TOX: variants seen among roughly 807,000 people sequenced by gnomAD.
TOX encodes the protein thymocyte selection-associated high mobility group box protein TOX.
Under a neutral mutation model 53.7 loss-of-function variants are expected in TOX, and 11 were observed. The ratio of observed to expected loss-of-function variants is 0.20; its 90% CI spans 0.13 to 0.34. The LOEUF is 0.34. Among genes scored for constraint, TOX ranks in the 10% least tolerant of loss-of-function variants. The probability of loss-of-function intolerance (pLI) is 1.00; values close to 1 mark genes in which losing one functional copy is unlikely to be tolerated. For synonymous variants in TOX, 225 were observed against 245.3 expected (o/e 0.92, Z 0.77); for missense variants, 570 against 664.6 (o/e 0.86, Z 1.56).
chr8:58,988,362 G>A (rs1813373726), intron 1 of TOX, among the ~76,000 whole-genome samples: 1 of 152,180 alleles, frequency 6.6e-6, no homozygotes, highest in South Asian at 2.1e-4. Context: ...AAACAGCCAT[G>A]TTCTTTCATT....
intron 1 of TOX, among the ~76,000 whole-genome samples, chr8:59,040,137 G>A (rs903775917): frequency 6.6e-6 from 1 of 151,936 alleles, no homozygotes; most frequent in Admixed American, 6.6e-5. Flanking sequence ...AGACCATCCC[G>A]GGTAAAACGG....
intron 7 of TOX, among the ~76,000 whole-genome samples, chr8:58,815,123 T>C (rs1216117224): frequency 6.6e-6 from 1 of 152,226 alleles, no homozygotes; most frequent in East Asian, 1.9e-4. Context: ...TGACTGTCAA[T>C]TGTGATGGCA....
intron 1 of TOX, among the ~76,000 whole-genome samples, chr8:59,038,318 TA>T (rs1803510551): frequency 6.6e-6 from 1 of 152,136 alleles, no homozygotes; most frequent in Non-Finnish European, 1.5e-5. Flanking sequence ...ATGAATCAAA[TA>T]AATGCCTATA....
At chr8:59,115,481 T>C (rs1346798922) in intron 1 of TOX, among the ~76,000 whole-genome samples, 4 of 152,220 alleles carry the variant, frequency 2.6e-5, no homozygotes, top group Admixed American at 6.5e-5. Context: ...AACAAGACTA[T>C]ATCACTACAG....
intron 1 of TOX, among the ~76,000 whole-genome samples, chr8:59,075,301 C>G (rs1304590606): frequency 1.3e-5 from 2 of 152,166 alleles, no homozygotes; most frequent in Non-Finnish European, 2.9e-5. Flanking sequence ...CTGGAGGAAT[C>G]TAAGAAACAG....
At chr8:58,902,278 T>G (rs867143805) in intron 3 of TOX, among the ~76,000 whole-genome samples, 1 of 152,190 alleles carries the variant, frequency 6.6e-6, no homozygotes, top group African/African-American at 2.4e-5. Context: ...CTGGTCACCA[T>G]CAATTTCTGA....
intron 3 of TOX, among the ~76,000 whole-genome samples, chr8:58,870,605 AAC>A (rs991965271): frequency 3.3e-5 from 5 of 152,280 alleles, no homozygotes; most frequent in African/African-American, 1.2e-4. Context: ...AAAGTTAAGG[AAC>A]ACACACTGAT....
intron 1 of TOX, among the ~76,000 whole-genome samples, chr8:59,093,088 T>G (rs1443969584): frequency 1.3e-5 from 2 of 152,182 alleles, no homozygotes; most frequent in East Asian, 3.8e-4. Context: ...CGTCACAAGA[T>G]GTATGAGCAC....
intron 3 of TOX, among the ~76,000 whole-genome samples, chr8:58,915,944 G>C (rs1205603278): frequency 1.4e-5 from 1 of 69,836 alleles, no homozygotes; most frequent in African/African-American, 6.0e-5. Flanking sequence ...CTGGAAGAAA[G>C]GGTATCAGCA....
chr8:59,085,110 C>T (rs1804482840), intron 1 of TOX, among the ~76,000 whole-genome samples: 3 of 152,192 alleles, frequency 2.0e-5, no homozygotes, highest in Non-Finnish European at 4.4e-5. Context: ...CTAGATATTA[C>T]ACTATAGCAC....
chr8:59,109,256 C>T (rs1461672496), intron 1 of TOX, among the ~76,000 whole-genome samples: 1 of 152,086 alleles, frequency 6.6e-6, no homozygotes, highest in Non-Finnish European at 1.5e-5. Flanking sequence ...GCTATAACAA[C>T]CCGACACTAA....
intron 3 of TOX, among the ~76,000 whole-genome samples, chr8:58,928,841 C>T (rs915582377): frequency 2.4e-4 from 37 of 152,060 alleles, no homozygotes; most frequent in African/African-American, 8.7e-4. Context: ...ATTTGGTAAA[C>T]CATTAGTTAC....
intron 4 of TOX, among the ~76,000 whole-genome samples, chr8:58,848,484 T>C (rs1006676264): frequency 1.3e-5 from 2 of 152,096 alleles, no homozygotes; most frequent in Non-Finnish European, 2.9e-5. Flanking sequence ...AAAACATGGA[T>C]ATTTTCAACA....
intron 3 of TOX, among the ~76,000 whole-genome samples, chr8:58,885,803 TG>T (rs546089730): frequency 7.2e-5 from 11 of 152,242 alleles, no homozygotes; most frequent in Admixed American, 2.6e-4. Context: ...TGTGCTGCAG[TG>T]AAGACTTATA....
intron 1 of TOX, among the ~76,000 whole-genome samples, chr8:59,054,976 CGGAG>C (rs57197833): frequency 0.088 from 9,253 of 105,572 alleles, 1,013 homozygotes; most frequent in African/African-American, 0.27. Context: ...AAGGAAGGGA[CGGAG>C]GGAGGGAGGG....
chr8:58,869,845 G>T (rs1038814655), intron 3 of TOX, among the ~76,000 whole-genome samples: 1 of 151,768 alleles, frequency 6.6e-6, no homozygotes, highest in Non-Finnish European at 1.5e-5. Context: ...ATCTATAGAT[G>T]CAGTAAAAAC....
At chr8:59,063,437 T>C (rs1206327146) in intron 1 of TOX, among the ~76,000 whole-genome samples, 1 of 150,166 alleles carries the variant, frequency 6.7e-6, no homozygotes, top group Non-Finnish European at 1.5e-5. Context: ...TTTTTTTTTT[T>C]TTTTTTTTGA....
chr8:58,881,269 T>C (rs1811378589), intron 3 of TOX, among the ~76,000 whole-genome samples: 1 of 152,180 alleles, frequency 6.6e-6, no homozygotes, highest in Non-Finnish European at 1.5e-5. Flanking sequence ...TCAACACTCA[T>C]GAAATTAGGA....
At chr8:58,928,523 GAT>G (rs1812202050) in intron 3 of TOX, among the ~76,000 whole-genome samples, 1 of 149,494 alleles carries the variant, frequency 6.7e-6, no homozygotes, top group Non-Finnish European at 1.5e-5. Flanking sequence ...CAGAAAGAAA[GAT>G]ACATACATAT....
Sources: gnomAD v4.1 joint callset for allele counts (sites outside exome capture counted in the v4.1 genomes callset) on GRCh38, gnomAD v4.1.1 for gene constraint, MANE v1.5 for transcripts, NCBI Gene and HGNC (gene_info 2026-07-23, HGNC 2026-07-21) for gene names.